The following NEK4 variants were observed in gnomAD, a reference collection of about 807,000 sequenced individuals.
NEK4 encodes serine/threonine-protein kinase Nek4.
In NEK4, 86 loss-of-function variants were observed where a neutral mutation model predicts 98.4. The ratio of observed to expected loss-of-function variants is 0.87; its 90% CI spans 0.73 to 1.05. The LOEUF (loss-of-function observed/expected upper bound fraction) is 1.05, where lower values mean the gene tolerates loss of function less well. Ranked by LOEUF, NEK4 falls within the 50% of genes least tolerant of loss-of-function variation. The pLI, the probability that NEK4 is intolerant of heterozygous loss-of-function variation, is 0.00. For missense variants in NEK4, 898 were observed against 950.3 expected (o/e 0.94, Z 0.72); for synonymous variants, 328 against 342.2 (o/e 0.96, Z 0.46).
chr3:52,755,327 G>A (rs996355960), intron 6 of NEK4, among the ~76,000 whole-genome samples: 1 of 152,010 alleles, frequency 6.6e-6, no homozygotes, highest in Non-Finnish European at 1.5e-5. Context: ...GGTTTTGGAA[G>A]ATAGTGGTGA....
At chr3:52,748,584 T>C (rs2097400211) in intron 8 of NEK4, among the ~76,000 whole-genome samples, 1 of 152,186 alleles carries the variant, frequency 6.6e-6, no homozygotes, top group South Asian at 2.1e-4. Context: ...TAAACATCAG[T>C]TATTTGGATG....
At chr3:52,744,992 T>G (rs375821564) in intron 10 of NEK4, among the ~76,000 whole-genome samples, 4 of 151,940 alleles carry the variant, frequency 2.6e-5, no homozygotes, top group African/African-American at 7.2e-5. Flanking sequence ...CTCAGCTCAC[T>G]GCAAGCTCTG....
chr3:52,733,484 T>A, intron 15 of NEK4: 1 of 423,258 alleles, frequency 2.4e-6, no homozygotes, highest in South Asian at 1.9e-5. Context: ...AGGCACAAAT[T>A]TTCCCTCACT....
At position 52,710,447 on chromosome 3, in the gene NEK4, G is replaced by C. The variant is rs2097349309; in HGVS notation, c.*1330C>G. On this transcript the variant is annotated 3_prime_UTR_variant, in exon 16 of 16. Coordinates refer to ENST00000233027, the MANE Select transcript of NEK4 (RefSeq NM_003157.6). Reference sequence around the variant, plus strand: ...TGTGTGTGTGTAATTTTCAAAGATAGATATATTTTTAGTTATAGAAACTGA... The same window carrying C: ...TGTGTGTGTGTAATTTTCAAAGATACATATATTTTTAGTTATAGAAACTGA... The C allele has an allele frequency of 6.6e-6, 1 of 151,668 alleles. No individual in the cohort carries two copies. 9.4% of individuals were successfully genotyped at this position (151,668 alleles called of 1,614,324 possible).
intron 2 of NEK4, 127 bp from the exon 3 acceptor site, chr3:52,766,502 C>T (rs1698565325): frequency 1.5e-6 from 1 of 651,948 alleles, no homozygotes; most frequent in East Asian, 2.7e-5. Context: ...ACCAACCATA[C>T]AATTCCTTAT....
chr3:52,762,743 C>T (rs1300909076), intron 5 of NEK4, among the ~76,000 whole-genome samples: 3 of 151,930 alleles, frequency 2.0e-5, no homozygotes, highest in Non-Finnish European at 4.4e-5. Flanking sequence ...TAGCCGGGCA[C>T]GGTGGCGGGT....
intron 15 of NEK4, among the ~76,000 whole-genome samples, chr3:52,735,458 A>G (rs1350581214): frequency 1.3e-5 from 2 of 152,258 alleles, no homozygotes; most frequent in East Asian, 1.9e-4. Context: ...AATGGACATT[A>G]TAAGTTCTTG....
At chr3:52,748,961 C>T (rs2097400691) in intron 8 of NEK4, among the ~76,000 whole-genome samples, 1 of 152,022 alleles carries the variant, frequency 6.6e-6, no homozygotes, top group South Asian at 2.1e-4. Flanking sequence ...CTGGCGTATG[C>T]CTGTAGTCCC....
intron 15 of NEK4, among the ~76,000 whole-genome samples, chr3:52,713,650 C>A (rs939934509): frequency 6.6e-6 from 1 of 151,924 alleles, no homozygotes; most frequent in East Asian, 1.9e-4. Flanking sequence ...CAAAATTAGC[C>A]GGGCATGGTG....
intron 13 of NEK4, 35 bp downstream of exon 13, chr3:52,741,376 A>C: frequency 8.3e-7 from 1 of 1,201,610 alleles, no homozygotes. Flanking sequence ...AAACAGAAAT[A>C]GTTTATAAAG....
In NEK4 at chr3:52,770,854, G is replaced by T. The variant is rs1057338243; in HGVS notation, c.-108C>A. Reference sequence around the variant, plus strand: ...CCGAGAGGGGGCAGTGGGGGCGGCTGTTGAGGCAGCCGGGCCCGGGCGGGA... The same window carrying T: ...CCGAGAGGGGGCAGTGGGGGCGGCTTTTGAGGCAGCCGGGCCCGGGCGGGA... On this transcript the variant is annotated 5_prime_UTR_variant, in exon 1 of 16. Transcript: ENST00000233027. 86 of 982,708 alleles carry T rather than the reference G, an allele frequency of 8.8e-5. No homozygotes were observed. Among genetic ancestry groups the T allele is most frequent in the Non-Finnish European group, 1.3e-4 (82 of 650,202 alleles). 60.9% of individuals were successfully genotyped at this position (982,708 alleles called of 1,614,324 possible).
rs544897367 is a variant in NEK4 at position 52,717,125 on chromosome 3, G to C, written c.2434-5256C>G. ...GGACTGCTAAAAATTATGGGGCCCA[G>C]GCCAGGTGTGTTGGCTCACACCTGT... On this transcript the variant is annotated intron_variant, in intron 15 of 15. Transcript: ENST00000233027. Among the ~76,000 whole-genome samples the C allele has an allele frequency of 3.9e-5, 6 of 152,116 alleles. No individual in the cohort carries two copies. The South Asian group carries it at 1.3e-3, about 32-fold the overall frequency.
At position 52,766,712 on chromosome 3, in the gene NEK4, C is replaced by CCT. The variant is rs1259293646; in HGVS notation, c.361-338_361-337insAG. Among the ~76,000 whole-genome samples, 465 of 152,334 alleles carry CCT rather than the reference C, an allele frequency of 3.1e-3. 3 individuals are homozygous for CCT. The highest frequency in any genetic ancestry group is 6.8e-3 in the Middle Eastern group (2 of 294). On this transcript the variant is annotated intron_variant, in intron 2 of 15. Transcript: ENST00000233027. ...TTTAAAAATATGTTTACAAGCCGGG[C>CCT]GCAGTGGCTCACGCCTGTAATCCCA...
Position 52,752,073 on chromosome 3 carries a change from C to T in NEK4, c.1227G>A (p.Glu409=), listed in dbSNP as rs1212675256. The change falls in exon 7 of 16, where the codon GAG becomes GAA. Residue 409 remains glutamate, a synonymous_variant. Transcript: ENST00000233027. Reference sequence around the variant, plus strand: ...TGGATTTAGTGTTGTCCTGCAGCATCTCCTCTTCCACTTGAGAAATACTGC... The same window carrying T: ...TGGATTTAGTGTTGTCCTGCAGCATTTCCTCTTCCACTTGAGAAATACTGC... The part of the protein sequence containing the change: ...GICSISQVEE[E]MLQDNTKSSA... The T allele has an allele frequency of 8.1e-6, 13 of 1,614,234 alleles. No homozygotes were observed. The highest frequency in any genetic ancestry group is 1.1e-5 in the Non-Finnish European group (13 of 1,180,036).
chr3:52,718,606 C>T (rs775410473), intron 15 of NEK4, among the ~76,000 whole-genome samples: 1 of 152,058 alleles, frequency 6.6e-6, no homozygotes, highest in African/African-American at 2.4e-5. Flanking sequence ...GAGGTTGTCT[C>T]GAGAGATAAC....
At chr3:52,747,769 A>C (rs1391305984) in intron 8 of NEK4, among the ~76,000 whole-genome samples, 3 of 148,526 alleles carry the variant, frequency 2.0e-5, no homozygotes, top group Non-Finnish European at 4.4e-5. Flanking sequence ...ACAGAGTGAG[A>C]CCTCCATCTC....
intron 6 of NEK4, chr3:52,754,248 G>T: frequency 3.1e-6 from 1 of 322,950 alleles, no homozygotes; most frequent in Non-Finnish European, 6.2e-6. Context: ...CTTGATATTT[G>T]GTATTCCCAT....
chr3:52,753,445 C>T (rs2097409110), intron 6 of NEK4: 1 of 373,770 alleles, frequency 2.7e-6, no homozygotes, highest in East Asian at 7.1e-5. Flanking sequence ...GGCACAATGC[C>T]CGGAAGGCTG....
chr3:52,746,894 G>A lies in NEK4; in HGVS notation c.1517C>T (p.Ala506Val). The stretch of plus-strand genomic sequence containing the variant: ...CTGTTTTTCTATAATACATTCACCA[G>A]CAACTTGATCCTTAAAAACAATAAA... Reference protein sequence around the residue: ...GVCHHAQDQVAGECIIEKQGR... With the variant: ...GVCHHAQDQVVGECIIEKQGR... Residue 506 changes from alanine (A) to valine (V), a missense_variant, in exon 9 of 16, where the codon GCT (alanine) becomes GTT (valine). Ala to Val is a moderately conservative substitution (Grantham distance 64). Transcript: ENST00000233027. 1 of 1,611,864 alleles carries A rather than the reference G, an allele frequency of 6.2e-7. No individual in the cohort carries two copies. The highest frequency in any genetic ancestry group is 2.2e-5 in the East Asian group (1 of 44,864).
Sources: allele counts gnomAD v4.1 joint callset (sites outside exome capture counted in the v4.1 genomes callset), GRCh38; gene constraint gnomAD v4.1.1; transcripts MANE v1.5; gene names NCBI Gene and HGNC (gene_info 2026-07-23, HGNC 2026-07-21).